Variants in SYNPR observed in about 807,000 individuals in gnomAD.
SYNPR encodes the protein synaptoporin.
Under a neutral mutation model 32.9 loss-of-function variants are expected in SYNPR, and 23 were observed. The ratio of observed to expected loss-of-function variants is 0.70; its 90% CI spans 0.50 to 0.99. SYNPR has a LOEUF of 0.99. Among genes scored for constraint, SYNPR ranks in the 50% least tolerant of loss-of-function variants. SYNPR has a pLI of 0.00. For synonymous variants in SYNPR, 146 were observed against 135.9 expected (o/e 1.07, Z -0.52); for missense variants, 318 against 349.3 (o/e 0.91, Z 0.71).
intron 2 of SYNPR, among the ~76,000 whole-genome samples, chr3:63,385,082 C>T (rs1210410393): frequency 1.3e-5 from 2 of 152,002 alleles, no homozygotes; most frequent in East Asian, 3.8e-4. Flanking sequence ...AGTCATCTAC[C>T]CTACTTTCTC....
intron 2 of SYNPR, among the ~76,000 whole-genome samples, chr3:63,389,022 A>T (rs2088095405): frequency 6.6e-6 from 1 of 152,134 alleles, no homozygotes; most frequent in Admixed American, 6.5e-5. Flanking sequence ...CCACATCTGG[A>T]TTTTATTTTT....
intron 2 of SYNPR, among the ~76,000 whole-genome samples, chr3:63,338,771 C>T (rs55707471): frequency 0.21 from 31,907 of 152,168 alleles, 3,854 homozygotes; most frequent in South Asian, 0.39. Context: ...CCCCAATGAG[C>T]ACTGTCACTA....
chr3:63,552,558 A>C (rs1317277260), intron 3 of SYNPR, among the ~76,000 whole-genome samples: 1 of 152,192 alleles, frequency 6.6e-6, no homozygotes, highest in African/African-American at 2.4e-5. Context: ...TAAGGAACTT[A>C]AGGGGACTGG....
chr3:63,293,536 T>C (rs2086762638), intron 2 of SYNPR, among the ~76,000 whole-genome samples: 1 of 152,206 alleles, frequency 6.6e-6, no homozygotes. Context: ...GCAAACCACA[T>C]AATGTATTAA....
intron 2 of SYNPR, among the ~76,000 whole-genome samples, chr3:63,459,626 T>A (rs1700545391): frequency 6.6e-6 from 1 of 152,146 alleles, no homozygotes; most frequent in Non-Finnish European, 1.5e-5. Context: ...AAAACTTATT[T>A]CATTGAATTA....
chr3:63,276,764 C>T (rs2086578298), upstream of SYNPR, among the ~76,000 whole-genome samples: 1 of 152,040 alleles, frequency 6.6e-6, no homozygotes. Flanking sequence ...CACTGGAGTT[C>T]CTACTCTCTA....
chr3:63,598,533 A>C (rs72889249), intron 4 of SYNPR, among the ~76,000 whole-genome samples: 2,830 of 152,274 alleles, frequency 0.019, 88 homozygotes, highest in African/African-American at 0.064. Context: ...TTCCTGTCAA[A>C]GTTCTTTGGG....
At position 63,595,741 on chromosome 3, in the gene SYNPR, A is replaced by AC. The variant is rs1344247997; in HGVS notation, c.409-13384_409-13383insC. ...TTTATATATATATATATATATATAT[A>AC]TATATATATATATATATATATATAT... On this transcript the variant is annotated intron_variant, in intron 4 of 5. Transcript: ENST00000478300. 1.5e-4 allele frequency among the ~76,000 whole-genome samples: 7 copies of AC among 46,034 alleles called. No individual in the cohort carries two copies. In the East Asian group the frequency reaches 2.3e-3, roughly 15 times the overall value. 30.2% of individuals were successfully genotyped at this position (46,034 alleles called of 152,430 possible). A position where few individuals can be genotyped will look rare whatever the true frequency, so the allele number is the denominator to read the frequency against.
intron 4 of SYNPR, among the ~76,000 whole-genome samples, chr3:63,567,499 T>G (rs34378463): frequency 0.085 from 12,995 of 152,184 alleles, 686 homozygotes; most frequent in Non-Finnish European, 0.12. Context: ...TTTATTTCCT[T>G]GAATCCAGAA....
At chr3:63,408,191 AAAG>A (rs1560220808) in intron 2 of SYNPR, among the ~76,000 whole-genome samples, 3 of 106,912 alleles carry the variant, frequency 2.8e-5, no homozygotes, top group Non-Finnish European at 5.4e-5. Context: ...AGAAAGAAAG[AAAG>A]AGGAAGGAAG....
intron 2 of SYNPR, among the ~76,000 whole-genome samples, chr3:63,445,372 G>C (rs1700256654): frequency 6.6e-6 from 1 of 152,146 alleles, no homozygotes; most frequent in Non-Finnish European, 1.5e-5. Context: ...TCCTTAGTTG[G>C]AGTTAGAGCC....
intron 4 of SYNPR, among the ~76,000 whole-genome samples, chr3:63,600,289 T>C (rs116036683): frequency 2.2e-3 from 340 of 152,300 alleles, no homozygotes; most frequent in African/African-American, 8.0e-3. Context: ...CTGGAGAGCT[T>C]CTGATCTCCT....
At chr3:63,601,267 C>A (rs1165463938) in intron 4 of SYNPR, among the ~76,000 whole-genome samples, 6 of 146,360 alleles carry the variant, frequency 4.1e-5, no homozygotes, top group African/African-American at 1.3e-4. Context: ...GAGCAAAACG[C>A]CATCTCAAAA....
chr3:63,218,038 T>C, the SYNPR span, among the ~76,000 whole-genome samples: 2 of 152,112 alleles, frequency 1.3e-5, no homozygotes, highest in African/African-American at 4.8e-5. Context: ...CAGCTAAGTT[T>C]TAAAATTCTC....
chr3:63,578,559 C>A (rs1390437), intron 4 of SYNPR, among the ~76,000 whole-genome samples: 1 of 151,722 alleles, frequency 6.6e-6, no homozygotes, highest in Admixed American at 6.6e-5. Flanking sequence ...TCATATTTTA[C>A]GGATAAATAG....
At chr3:63,491,330 G>A (rs1406344680) in intron 3 of SYNPR, among the ~76,000 whole-genome samples, 1 of 152,036 alleles carries the variant, frequency 6.6e-6, no homozygotes, top group East Asian at 1.9e-4. Flanking sequence ...TAGCTACACA[G>A]GGTTTGGATG....
chr3:63,296,992 A>G (rs2086796436), intron 2 of SYNPR, among the ~76,000 whole-genome samples: 1 of 152,200 alleles, frequency 6.6e-6, no homozygotes, highest in East Asian at 1.9e-4. Flanking sequence ...CAAGCAAGCT[A>G]GGGAATGAGT....
chr3:63,273,161 A>G (rs1293700761), intron 3 of SYNPR, among the ~76,000 whole-genome samples: 1 of 152,194 alleles, frequency 6.6e-6, no homozygotes, highest in Non-Finnish European at 1.5e-5. Context: ...AGTTCTACAG[A>G]GAAATTTTGT....
intron 3 of SYNPR, among the ~76,000 whole-genome samples, chr3:63,490,057 TGTACTATTTTAG>T (rs1308160032): frequency 6.6e-6 from 1 of 152,144 alleles, no homozygotes; most frequent in Non-Finnish European, 1.5e-5. Context: ...AGAGAGAAGC[TGTACTATTTTAG>T]ATCAGCTGGT....
Sources: gnomAD v4.1 joint callset for allele counts (sites outside exome capture counted in the v4.1 genomes callset) on GRCh38, gnomAD v4.1.1 for gene constraint, MANE v1.5 for transcripts, NCBI Gene and HGNC (gene_info 2026-07-23, HGNC 2026-07-21) for gene names.